The following CDH13 variants were observed in gnomAD, a reference collection of about 807,000 sequenced individuals.
The protein encoded by CDH13 is cadherin 13, also known as cadherin-13.
A neutral mutation model predicts 63.8 loss-of-function variants in CDH13; 24 were observed. The ratio of observed to expected loss-of-function variants is 0.38; its 90% CI spans 0.27 to 0.53. The LOEUF is 0.53. Ranked by LOEUF, CDH13 falls within the 20% of genes least tolerant of loss-of-function variation. The probability of loss-of-function intolerance (pLI) is 0.85; values close to 1 mark genes in which losing one functional copy is unlikely to be tolerated. For missense variants in CDH13, 1,049 were observed against 903.1 expected (o/e 1.16, Z -2.07); for synonymous variants, 503 against 355.3 (o/e 1.42, Z -4.67).
At chr16:83,336,797 T>C (rs1228689984) in intron 5 of CDH13, among the ~76,000 whole-genome samples, 1 of 152,252 alleles carries the variant, frequency 6.6e-6, no homozygotes, top group Non-Finnish European at 1.5e-5. Context: ...GCTTTGTTTC[T>C]GATTCTGTTG....
At chr16:83,081,514 T>A (rs1275476588) in intron 3 of CDH13, among the ~76,000 whole-genome samples, 1 of 152,168 alleles carries the variant, frequency 6.6e-6, no homozygotes, top group Non-Finnish European at 1.5e-5. Flanking sequence ...TTCTCCTTAG[T>A]TTGGGCTGCT....
chr16:83,183,231 C>A (rs1256267828), intron 4 of CDH13, among the ~76,000 whole-genome samples: 1 of 152,158 alleles, frequency 6.6e-6, no homozygotes, highest in Non-Finnish European at 1.5e-5. Flanking sequence ...GAGATAAACA[C>A]AAAAGGTTTT....
intron 6 of CDH13, among the ~76,000 whole-genome samples, chr16:83,400,021 T>G (rs1240212248): frequency 6.6e-6 from 1 of 152,202 alleles, no homozygotes; most frequent in Non-Finnish European, 1.5e-5. Context: ...TGCCTAATGG[T>G]TACATCTGTT....
intron 4 of CDH13, among the ~76,000 whole-genome samples, chr16:83,141,847 C>T (rs772117358): frequency 1.3e-5 from 2 of 152,168 alleles, no homozygotes; most frequent in African/African-American, 2.4e-5. Flanking sequence ...GACATGAATT[C>T]ATTCTTTTTT....
rs71376303 is a variant in CDH13 at position 83,191,530 on chromosome 16, C to CATAT, written c.484-25791_484-25788dup. Among the ~76,000 whole-genome samples the CATAT allele has an allele frequency of 4.6e-3, 341 of 74,322 alleles. 2 individuals carry two copies. The highest frequency in any genetic ancestry group is 0.018 in the East Asian group (37 of 2,058). The allele number at this position is 74,322 out of a possible 152,430, so 48.8% of individuals were successfully genotyped here. A position where few individuals can be genotyped will look rare whatever the true frequency, so the allele number is the denominator to read the frequency against. ...ACACACACACACACACACACACACA[C>CATAT]ATATATATATATATATATATATATA... On this transcript the variant is annotated intron_variant, in intron 4 of 13. Coordinates refer to ENST00000567109, the MANE Select transcript of CDH13 (RefSeq NM_001257.5).
intron 4 of CDH13, among the ~76,000 whole-genome samples, chr16:83,187,741 C>G (rs6565149): frequency 1 from 152,207 of 152,286 alleles, 76,064 homozygotes; most frequent in Non-Finnish European, 1. Flanking sequence ...CCCTGTCCTA[C>G]AGTCCACCTG....
At chr16:83,433,249 G>C (rs1029768534) in intron 6 of CDH13, among the ~76,000 whole-genome samples, 2 of 152,194 alleles carry the variant, frequency 1.3e-5, no homozygotes, top group African/African-American at 2.4e-5. Context: ...ATTAGTCCAT[G>C]ACTATTTGCT....
At chr16:82,957,670 C>T (rs555659907) in intron 2 of CDH13, among the ~76,000 whole-genome samples, 1 of 152,286 alleles carries the variant, frequency 6.6e-6, no homozygotes, top group Non-Finnish European at 1.5e-5. Context: ...GATGCATAAT[C>T]ACTTATTATT....
intron 5 of CDH13, among the ~76,000 whole-genome samples, chr16:83,250,673 G>C (rs1026922742): frequency 1.3e-5 from 2 of 152,126 alleles, no homozygotes; most frequent in Non-Finnish European, 2.9e-5. Flanking sequence ...AAGGGAGATA[G>C]GATTGTTTAG....
intron 3 of CDH13, among the ~76,000 whole-genome samples, chr16:83,063,316 C>G (rs1371833485): frequency 6.6e-6 from 1 of 152,122 alleles, no homozygotes; most frequent in Non-Finnish European, 1.5e-5. Context: ...GAAGCTATGG[C>G]TCTCTTGAGG....
intron 6 of CDH13, among the ~76,000 whole-genome samples, chr16:83,463,258 G>C (rs1281361204): frequency 6.6e-6 from 1 of 152,224 alleles, no homozygotes; most frequent in African/African-American, 2.4e-5. Flanking sequence ...CAAGTTAAGT[G>C]CATCAGCCAG....
chr16:82,750,793 C>A (rs533121632), intron 1 of CDH13, among the ~76,000 whole-genome samples: 1 of 151,574 alleles, frequency 6.6e-6, no homozygotes, highest in South Asian at 2.1e-4. Flanking sequence ...TTTTTTTTTC[C>A]CAACAGCCTA....
Position 83,047,458 on chromosome 16 carries a change from T to C in CDH13, c.366+15240T>C, listed in dbSNP as rs561407841. ...AGCGTGACCACCAGTCTTATTTACC[T>C]TGTTATCTGTAATTTCCTCTTTCCC... On this transcript the variant is annotated intron_variant, in intron 3 of 13. Transcript: ENST00000567109. The surrounding 1 kb of genome is among the most constrained non-coding windows in gnomAD (Gnocchi z 4.9). Among the ~76,000 whole-genome samples, 4 of 152,140 alleles carry C rather than the reference T, an allele frequency of 2.6e-5. No individual in the cohort carries two copies. Among genetic ancestry groups the C allele is most frequent in the Admixed American group, 2.0e-4 (3 of 15,272 alleles).
At chr16:83,604,798 A>G (rs1256695846) in intron 8 of CDH13, among the ~76,000 whole-genome samples, 5 of 152,246 alleles carry the variant, frequency 3.3e-5, no homozygotes, top group East Asian at 1.9e-4. Flanking sequence ...AAATATGAAG[A>G]TGAATCTGTG....
At chr16:82,676,854 G>A (rs951959878) in intron 1 of CDH13, among the ~76,000 whole-genome samples, 3 of 144,824 alleles carry the variant, frequency 2.1e-5, no homozygotes, top group Non-Finnish European at 4.6e-5. Context: ...ACACAGTTTT[G>A]TTTTGGGTTT....
At chr16:82,923,432 G>A (rs1182258775) in intron 2 of CDH13, among the ~76,000 whole-genome samples, 1 of 152,178 alleles carries the variant, frequency 6.6e-6, no homozygotes, top group African/African-American at 2.4e-5. Context: ...AGCCAGACAA[G>A]AACATTTTAA....
chr16:83,010,496 A>G lies in CDH13; in HGVS notation c.158-21514A>G, dbSNP rs538063640. On this transcript the variant is annotated intron_variant, in intron 2 of 13. Transcript: ENST00000567109. The stretch of plus-strand genomic sequence containing the variant: ...TTGTGCTCTCACTTTCTCCTGATTT[A>G]TCTCCTTTTGAGCACTTAATGAAGA... Among the ~76,000 whole-genome samples, 6 of 152,228 alleles carry G rather than the reference A, an allele frequency of 3.9e-5. No individual in the cohort carries two copies. In the South Asian group the frequency reaches 1.2e-3, roughly 32 times the overall value.
rs951973016 is a variant in CDH13 at position 82,928,477 on chromosome 16, G to A, written c.157+70004G>A. ...ATATTGCCACCAGGAGCATTTGAAA[G>A]TGTTCTATTCAATTCCACACACCAG... On this transcript the variant is annotated intron_variant, in intron 2 of 13. Coordinates refer to ENST00000567109, the MANE Select transcript of CDH13 (RefSeq NM_001257.5). Among the ~76,000 whole-genome samples, 12 of 152,204 alleles carry A rather than the reference G, an allele frequency of 7.9e-5. 1 individual carries two copies. Among genetic ancestry groups the A allele is most frequent in the African/African-American group, 2.9e-4 (12 of 41,444 alleles).
At chr16:82,778,270 G>A (rs565461455) in intron 1 of CDH13, among the ~76,000 whole-genome samples, 15 of 152,194 alleles carry the variant, frequency 9.9e-5, no homozygotes, top group East Asian at 1.9e-4. Flanking sequence ...TGATAAGGAC[G>A]TTCCAGTTTG....
Sources: allele counts gnomAD v4.1 joint callset (sites outside exome capture counted in the v4.1 genomes callset), GRCh38; gene constraint gnomAD v4.1.1; non-coding constraint Gnocchi (gnomAD v3.1); transcripts MANE v1.5; gene names NCBI Gene and HGNC (gene_info 2026-07-23, HGNC 2026-07-21).